PCDHGC4: variants seen among roughly 807,000 people sequenced by gnomAD.
PCDHGC4 encodes the protein protocadherin gamma subfamily C, 4.
Under a neutral mutation model 59.7 loss-of-function variants are expected in PCDHGC4, and 15 were observed. The ratio of observed to expected loss-of-function variants is 0.25; its 90% confidence interval spans 0.17 to 0.39. The LOEUF is 0.39. PCDHGC4 is among the 10% of genes least tolerant of loss of function. The probability of loss-of-function intolerance (pLI) is 1.00; values close to 1 mark genes in which losing one functional copy is unlikely to be tolerated. For missense variants in PCDHGC4, 1,016 were observed against 1,189.5 expected (o/e 0.85, Z 2.15); for synonymous variants, 434 against 481.4 (o/e 0.90, Z 1.29).
intron 1 of PCDHGC4, among the ~76,000 whole-genome samples, chr5:141,492,336 A>G (rs1353947767): frequency 1.3e-5 from 2 of 152,072 alleles, no homozygotes; most frequent in East Asian, 3.9e-4. Context: ...TTACGCGAAT[A>G]CCAGCTTTCA....
chr5:141,502,785 A>G (rs576095718), intron 2 of PCDHGC4, among the ~76,000 whole-genome samples: 2 of 150,900 alleles, frequency 1.3e-5, no homozygotes, highest in East Asian at 3.9e-4. Context: ...AATTACCTGG[A>G]TGATTTCTTC....
chr5:141,485,421 C>G lies in PCDHGC4; in HGVS notation c.248C>G (p.Ala83Gly). The G allele has an allele frequency of 6.2e-7, 1 of 1,614,112 alleles. No individual in the cohort carries two copies. The highest frequency in any genetic ancestry group is 1.1e-5 in the South Asian group (1 of 91,080). ...TTCCGTGTGGATTTGGACAGCGGAG[C>G]CCTGCTCATCAAGAACCCAATCGAC... The part of the protein sequence containing the change: ...RHFRVDLDSG[A>G]LLIKNPIDRE... The change falls in exon 1 of 4, where the codon GCC becomes GGC. Residue 83 changes from alanine to glycine, a missense_variant. Transcript: ENST00000306593. This position sits in a 1 kb window ranked among gnomAD's most constrained non-coding sequence, Gnocchi z 5.7.
intron 2 of PCDHGC4, among the ~76,000 whole-genome samples, chr5:141,503,239 C>G (rs1364808315): frequency 6.6e-6 from 1 of 152,088 alleles, no homozygotes; most frequent in Non-Finnish European, 1.5e-5. Flanking sequence ...TGGACAGTTT[C>G]TATCATACTC....
intron 2 of PCDHGC4, among the ~76,000 whole-genome samples, chr5:141,504,563 C>G (rs1036149640): frequency 3.3e-5 from 5 of 149,436 alleles, no homozygotes; most frequent in African/African-American, 1.2e-4. Context: ...GACTGGCATT[C>G]TAGGGAACAC....
chr5:141,505,418 A>T lies in PCDHGC4; in HGVS notation c.2527A>T (p.Thr843Ser). 1 of 1,614,186 alleles carries T rather than the reference A, an allele frequency of 6.2e-7. No homozygotes were observed. Among genetic ancestry groups the T allele is most frequent in the East Asian group, 2.2e-5 (1 of 44,876 alleles). The change falls in exon 3 of 4, where the codon ACC becomes TCC. Residue 843 changes from threonine to serine, a missense_variant. By Grantham distance (58) the Thr-to-Ser change is moderately conservative. Coordinates refer to ENST00000306593, the MANE Select transcript of PCDHGC4 (RefSeq NM_018928.3). ...SGSQNGDDTG[T>S]WPNNQFDTEM... ...CTCCCAAAATGGCGATGACACCGGC[A>T]CCTGGCCCAACAACCAGTTTGACAC...
chr5:141,491,571 C>CT lies in PCDHGC4; in HGVS notation c.2443-3232dup. On this transcript the variant is annotated intron_variant, in intron 1 of 3. Coordinates refer to ENST00000306593, the MANE Select transcript of PCDHGC4 (RefSeq NM_018928.3). The surrounding 1 kb of genome is among the most constrained non-coding windows in gnomAD (Gnocchi z 6.9). ...CGCAGAGCCACTGCTACAGGACGTG[C>CT]TTTTCACCGGCCTCGGACGGCAGTG... 6.2e-7 allele frequency: 1 copy of CT among 1,614,026 alleles called. No homozygotes were observed. Among genetic ancestry groups the CT allele is most frequent in the Non-Finnish European group, 8.5e-7 (1 of 1,180,042 alleles).
chr5:141,486,361 C>T lies in PCDHGC4; in HGVS notation c.1188C>T (p.Ala396=). 1.2e-6 allele frequency: 2 copies of T among 1,614,086 alleles called. No individual in the cohort carries two copies. The highest frequency in any genetic ancestry group is 1.7e-6 in the Non-Finnish European group (2 of 1,179,994). Residue 396 remains alanine (A), a synonymous_variant, in exon 1 of 4, where the codon GCC becomes GCT. Coordinates refer to ENST00000306593, the MANE Select transcript of PCDHGC4 (RefSeq NM_018928.3). This position sits in a 1 kb window ranked among gnomAD's most constrained non-coding sequence, Gnocchi z 5.0. ...GCATTCCTGACCACTTGCCATTTGCCCTCAAGTCTGCCTTCAGGAACCAGT... is the reference window on the plus strand; with the variant it reads ...GCATTCCTGACCACTTGCCATTTGCTCTCAAGTCTGCCTTCAGGAACCAGT... The part of the protein sequence containing the change: ...SLRIPDHLPF[A]LKSAFRNQFS...
In PCDHGC4 at chr5:141,490,858, G is replaced by C. The variant is rs775132338; in HGVS notation, c.2442+3243G>C. On this transcript the variant is annotated intron_variant, in intron 1 of 3. Coordinates refer to ENST00000306593, the MANE Select transcript of PCDHGC4 (RefSeq NM_018928.3). The surrounding 1 kb of genome is among the most constrained non-coding windows in gnomAD (Gnocchi z 5.4). ...GATTGTGGTGGGGGTTCGAGACTCC[G>C]GCTCTCCCCCATTGCATGCCAACAC... The C allele has an allele frequency of 1.5e-5, 24 of 1,613,704 alleles. 1 individual carries two copies. Among genetic ancestry groups the C allele is most frequent in the Non-Finnish European group, 2.0e-5 (24 of 1,179,918 alleles).
In PCDHGC4 at chr5:141,489,744, C is replaced by T. The variant is rs185263705; in HGVS notation, c.2442+2129C>T. The T allele has an allele frequency of 1.1e-5, 18 of 1,614,144 alleles. No homozygotes were observed. In the Admixed American group the frequency reaches 2.8e-4, roughly 25 times the overall value. Reference sequence around the variant, plus strand: ...CGGATGTGGGCACCAATACTGTGAGCTTTTACACTCTAAGCCCCAACAGCC... The same window carrying T: ...CGGATGTGGGCACCAATACTGTGAGTTTTTACACTCTAAGCCCCAACAGCC... On this transcript the variant is annotated intron_variant, in intron 1 of 3. Transcript: ENST00000306593. This position sits in a 1 kb window ranked among gnomAD's most constrained non-coding sequence, Gnocchi z 4.5.
At position 141,499,689 on chromosome 5, in the gene PCDHGC4, C is replaced by CTT. The variant is rs545067566; in HGVS notation, c.2501+4845_2501+4846dup. 4.8e-3 allele frequency among the ~76,000 whole-genome samples: 577 copies of CTT among 119,808 alleles called. 2 individuals carry two copies. Among genetic ancestry groups the CTT allele is most frequent in the Non-Finnish European group, 6.7e-3 (386 of 57,912 alleles). 78.6% of individuals were successfully genotyped at this position (119,808 alleles called of 152,430 possible). A position where few individuals can be genotyped will look rare whatever the true frequency, so the allele number is the denominator to read the frequency against. On this transcript the variant is annotated intron_variant, in intron 2 of 3. Coordinates refer to ENST00000306593, the MANE Select transcript of PCDHGC4 (RefSeq NM_018928.3). ...GGTCTCCACCATCTTTAACAGATGA[C>CTT]TTTTTTTTTTTTTTTTTTTTTTGGA...
At position 141,491,413 on chromosome 5, in the gene PCDHGC4, G is replaced by A. The variant is rs1193417991; in HGVS notation, c.2443-3394G>A. 5.6e-6 allele frequency: 9 copies of A among 1,613,946 alleles called. No individual in the cohort carries two copies. Among genetic ancestry groups the A allele is most frequent in the Non-Finnish European group, 7.6e-6 (9 of 1,179,986 alleles). On this transcript the variant is annotated intron_variant, in intron 1 of 3. Transcript: ENST00000306593. The surrounding 1 kb of genome is among the most constrained non-coding windows in gnomAD (Gnocchi z 6.9). Reference sequence around the variant, plus strand: ...CCTTCAGGGAAACGCAGACGGGGACGGGGGTGGAGGGCAGTGCTGCAGGCG... The same window carrying A: ...CCTTCAGGGAAACGCAGACGGGGACAGGGGTGGAGGGCAGTGCTGCAGGCG...
intron 1 of PCDHGC4, among the ~76,000 whole-genome samples, chr5:141,494,547 C>T (rs2099755185): frequency 6.6e-6 from 1 of 152,106 alleles, no homozygotes; most frequent in East Asian, 1.9e-4. Context: ...GAGGAAGGGG[C>T]CATTTCTTTA....
intron 3 of PCDHGC4, among the ~76,000 whole-genome samples, chr5:141,507,817 G>C (rs1038461861): frequency 3.3e-5 from 5 of 152,206 alleles, no homozygotes; most frequent in Non-Finnish European, 5.9e-5. Context: ...AACGGACCCT[G>C]GGGGTGGAGG....
rs2154581798 is a variant in PCDHGC4, at chr5:141,489,799, G to T, written c.2442+2184G>T. 1 of 1,614,192 alleles carries T rather than the reference G, an allele frequency of 6.2e-7. No homozygotes were observed. The highest frequency in any genetic ancestry group is 2.2e-5 in the East Asian group (1 of 44,884). On this transcript the variant is annotated intron_variant, in intron 1 of 3. Coordinates refer to ENST00000306593, the MANE Select transcript of PCDHGC4 (RefSeq NM_018928.3). The surrounding 1 kb of genome is among the most constrained non-coding windows in gnomAD (Gnocchi z 4.5). Reference sequence around the variant, plus strand: ...CTCTCTGAATGTGAAGACCCTAAAAGATGGGAAGCCATTCCCAGAGCTGGT... The same window carrying T: ...CTCTCTGAATGTGAAGACCCTAAAATATGGGAAGCCATTCCCAGAGCTGGT...
intron 1 of PCDHGC4, among the ~76,000 whole-genome samples, chr5:141,492,798 C>T (rs1219815576): frequency 6.6e-6 from 1 of 152,250 alleles, no homozygotes; most frequent in Non-Finnish European, 1.5e-5. Flanking sequence ...GACAGCAGGA[C>T]TGGGACTCCA....
intron 2 of PCDHGC4, among the ~76,000 whole-genome samples, chr5:141,495,968 CTGTTACTCTTTCTT>C (rs1033811907): frequency 6.6e-6 from 1 of 152,126 alleles, no homozygotes; most frequent in African/African-American, 2.4e-5. Context: ...GCCTCTTTCT[CTGTTACTCTTTCTT>C]TATCTCTCTT....
intron 2 of PCDHGC4, among the ~76,000 whole-genome samples, chr5:141,501,530 G>A (rs556760554): frequency 3.5e-4 from 53 of 151,998 alleles, no homozygotes; most frequent in Admixed American, 2.2e-3. Context: ...AGCCCAGTAC[G>A]TTGTTGTGCA....
At chr5:141,495,841 G>A (rs1187067340) in intron 2 of PCDHGC4, among the ~76,000 whole-genome samples, 1 of 151,864 alleles carries the variant, frequency 6.6e-6, no homozygotes, top group Non-Finnish European at 1.5e-5. Context: ...CAGCCTCTAT[G>A]TTTCTCTGTC....
chr5:141,490,652 C>A lies in PCDHGC4; in HGVS notation c.2442+3037C>A. ...ATCCTAGAAAACCGGCCTCCGGGCT[C>A]CCTTCTTTGCACTGTGGCTGCCTCA... On this transcript the variant is annotated intron_variant, in intron 1 of 3. Transcript: ENST00000306593. The surrounding 1 kb of genome is among the most constrained non-coding windows in gnomAD (Gnocchi z 5.4). 6.2e-7 allele frequency: 1 copy of A among 1,614,208 alleles called. No individual in the cohort carries two copies. Among genetic ancestry groups the A allele is most frequent in the Non-Finnish European group, 8.5e-7 (1 of 1,180,026 alleles).
Sources: allele counts gnomAD v4.1 joint callset (sites outside exome capture counted in the v4.1 genomes callset), GRCh38; gene constraint gnomAD v4.1.1; non-coding constraint Gnocchi (gnomAD v3.1); transcripts MANE v1.5; gene names NCBI Gene and HGNC (gene_info 2026-07-23, HGNC 2026-07-21).